The following PDE8B variants were observed in gnomAD, a reference collection of about 807,000 sequenced individuals.
PDE8B encodes phosphodiesterase 8B.
In PDE8B, 26 loss-of-function variants were observed where a neutral mutation model predicts 101.3. The observed-to-expected ratio is 0.26, with a 90% CI of 0.19 to 0.36. The LOEUF (loss-of-function observed/expected upper bound fraction) is 0.36, where lower values mean the gene tolerates loss of function less well. Among genes scored for constraint, PDE8B ranks in the 10% least tolerant of loss-of-function variants. The pLI is 1.00. For missense variants in PDE8B, 810 were observed against 1,163.1 expected, an observed-to-expected ratio of 0.70 and a Z score of 4.42; for synonymous variants, 424 against 429.3, an observed-to-expected ratio of 0.99 and a Z score of 0.15.
rs898994953 is a variant in PDE8B at position 77,418,268 on chromosome 5, G to T, written c.1951G>T (p.Ala651Ser). Residue 651 changes from alanine (A) to serine (S), a missense_variant, in exon 18 of 22, where the codon GCT becomes TCT. Ala to Ser is a moderately conservative substitution (Grantham distance 99, BLOSUM62 1). Coordinates refer to ENST00000264917, the MANE Select transcript of PDE8B (RefSeq NM_003719.5). ...GTTGGATGAGGTGGCAGCCCTCATT[G>T]CTGCCACAGTCCATGACGTGGATCA... Reference protein sequence around the residue: ...DQLDEVAALIAATVHDVDHPG... With the variant: ...DQLDEVAALISATVHDVDHPG... The T allele has an allele frequency of 3.1e-6, 5 of 1,613,852 alleles. No homozygotes were observed. The highest frequency in any genetic ancestry group is 1.7e-5 in the Admixed American group (1 of 60,000).
the PDE8B span, among the ~76,000 whole-genome samples, chr5:77,131,968 C>T: frequency 1.3e-5 from 2 of 152,094 alleles, no homozygotes; most frequent in Non-Finnish European, 2.9e-5. Context: ...TAAATATATG[C>T]AAATGTGTTT....
At chr5:77,330,916 G>T (rs534404435) in intron 4 of PDE8B, among the ~76,000 whole-genome samples, 1 of 152,248 alleles carries the variant, frequency 6.6e-6, no homozygotes, top group African/African-American at 2.4e-5. Context: ...TTCTAACTGT[G>T]TGTTCCTGCT....
At chr5:77,411,855 T>C in intron 15 of PDE8B, 134 bp downstream of exon 15, 2 of 779,028 alleles carry the variant, frequency 2.6e-6, no homozygotes, top group Non-Finnish European at 4.4e-6. Context: ...ATGGTCTACA[T>C]TTAAAACTAG....
At position 77,291,529 on chromosome 5, in the gene PDE8B, C is replaced by G. The variant is rs144545593; in HGVS notation, c.340-20465C>G. On this transcript the variant is annotated intron_variant, in intron 1 of 21. Transcript: ENST00000264917. ...GAAGAAGAGGTCTTTGCATGGAATA[C>G]TGAAGTAAAACAGAGACTTTCAAGT... The G allele has an allele frequency of 7.8e-4, 1,248 of 1,606,036 alleles. 8 individuals carry two copies. In the African/African-American group the frequency reaches 0.013, roughly 16 times the overall value.
chr5:77,153,572 CTTTTTTTTTT>C, the PDE8B span, among the ~76,000 whole-genome samples: 5 of 131,472 alleles, frequency 3.8e-5, no homozygotes, highest in African/African-American at 1.5e-4. Flanking sequence ...CAGCTTTACT[CTTTTTTTTTT>C]TTTTTTTTTT....
At chr5:77,198,895 T>C in the PDE8B span, among the ~76,000 whole-genome samples, 3 of 152,184 alleles carry the variant, frequency 2.0e-5, no homozygotes, top group African/African-American at 2.4e-5. Context: ...CCAAATAAAT[T>C]TGTGAGAACT....
At position 77,211,461 on chromosome 5, in the gene PDE8B, G is replaced by A. The variant is rs933904722; in HGVS notation, c.339+197G>A. Among the ~76,000 whole-genome samples, 3 of 152,242 alleles carry A rather than the reference G, an allele frequency of 2.0e-5. No homozygotes were observed. The highest frequency in any genetic ancestry group is 2.9e-5 in the Non-Finnish European group (2 of 68,040). On this transcript the variant is annotated intron_variant, in intron 1 of 21. Transcript: ENST00000264917. This position sits in a 1 kb window ranked among gnomAD's most constrained non-coding sequence, Gnocchi z 4.1. ...TGTGGTCAGAAAAAGGCCCCTGGAG[G>A]GGTCCTGGAAGCGTCCTTAGCTGGT... is the stretch of plus-strand genomic sequence containing the variant.
chr5:77,310,596 G>A (rs1772380789), intron 1 of PDE8B, among the ~76,000 whole-genome samples: 1 of 152,224 alleles, frequency 6.6e-6, no homozygotes, highest in Non-Finnish European at 1.5e-5. Flanking sequence ...GCCTCCAGTT[G>A]GTTTTCATTG....
chr5:77,103,052 C>T, the PDE8B span, among the ~76,000 whole-genome samples: 27 of 152,226 alleles, frequency 1.8e-4, no homozygotes, highest in South Asian at 3.3e-3. Flanking sequence ...CAGCCATGGC[C>T]CCACCGCCAT....
intron 1 of PDE8B, among the ~76,000 whole-genome samples, chr5:77,258,034 A>C (rs1759561159): frequency 6.6e-6 from 1 of 151,648 alleles, no homozygotes; most frequent in Admixed American, 6.6e-5. Flanking sequence ...CACACCTGTA[A>C]TCCCAGCACT....
At chr5:77,214,276 T>C (rs544836285) in intron 1 of PDE8B, among the ~76,000 whole-genome samples, 6 of 152,374 alleles carry the variant, frequency 3.9e-5, no homozygotes, top group Admixed American at 1.3e-4. Context: ...AGAATCGTTA[T>C]TGACAATATC....
At chr5:77,129,122 A>C in the PDE8B span, among the ~76,000 whole-genome samples, 1 of 152,140 alleles carries the variant, frequency 6.6e-6, no homozygotes, top group South Asian at 2.1e-4. Flanking sequence ...AAAATTACCA[A>C]CGTTTTCCCA....
chr5:77,398,514 G>C (rs1032438451), intron 10 of PDE8B, among the ~76,000 whole-genome samples: 1 of 152,152 alleles, frequency 6.6e-6, no homozygotes, highest in South Asian at 2.1e-4. Flanking sequence ...TAGAGAGGGG[G>C]TTTCACCATG....
At chr5:77,242,917 C>T (rs976445512) in intron 1 of PDE8B, among the ~76,000 whole-genome samples, 3 of 152,172 alleles carry the variant, frequency 2.0e-5, no homozygotes, top group Admixed American at 6.5e-5. Flanking sequence ...CCGCCTGTCT[C>T]GGCCTCCCTA....
intron 2 of PDE8B, among the ~76,000 whole-genome samples, chr5:77,318,047 C>T (rs1473841566): frequency 9.1e-6 from 1 of 110,184 alleles, no homozygotes; most frequent in Non-Finnish European, 1.8e-5. Flanking sequence ...CAGAGTGAGA[C>T]TCCATCTCAA....
At chr5:77,229,593 C>A (rs778507896) in intron 1 of PDE8B, among the ~76,000 whole-genome samples, 1 of 152,180 alleles carries the variant, frequency 6.6e-6, no homozygotes, top group Non-Finnish European at 1.5e-5. Context: ...CAGTTCCAAT[C>A]CCCACCCCTC....
At chr5:77,351,290 G>A in intron 9 of PDE8B, 137 bp downstream of exon 9, 1 of 743,740 alleles carries the variant, frequency 1.3e-6, no homozygotes, top group Non-Finnish European at 2.4e-6. Context: ...TAGATCGAGG[G>A]TGCTTCCACT....
At chr5:77,303,511 G>A (rs1299556341) in intron 1 of PDE8B, among the ~76,000 whole-genome samples, 1 of 152,154 alleles carries the variant, frequency 6.6e-6, no homozygotes, top group Non-Finnish European at 1.5e-5. Flanking sequence ...GGAGGTTGCA[G>A]TGAGCCGAGA....
chr5:77,190,806 G>A, the PDE8B span, among the ~76,000 whole-genome samples: 1 of 152,220 alleles, frequency 6.6e-6, no homozygotes, highest in Non-Finnish European at 1.5e-5. Context: ...TATGCTCTAG[G>A]AAAGTTTTAA....
Sources: allele counts gnomAD v4.1 joint callset (sites outside exome capture counted in the v4.1 genomes callset), GRCh38; gene constraint gnomAD v4.1.1; non-coding constraint Gnocchi (gnomAD v3.1); transcripts MANE v1.5; gene names NCBI Gene and HGNC (gene_info 2026-07-23, HGNC 2026-07-21).